The following SORBS2 variants were observed in gnomAD, a reference collection of about 807,000 sequenced individuals.
SORBS2 encodes the protein sorbin and SH3 domain-containing protein 2.
Under a neutral mutation model 97.7 loss-of-function variants are expected in SORBS2, and 46 were observed. The ratio of observed to expected loss-of-function variants is 0.47; its 90% CI spans 0.37 to 0.60. The LOEUF (loss-of-function observed/expected upper bound fraction) is 0.60. SORBS2 is among the 20% of genes least tolerant of loss of function. SORBS2 has a pLI of 0.00. For synonymous variants in SORBS2, 476 were observed against 473.4 expected (o/e 1.01, Z -0.07); for missense variants, 1,316 against 1,282.3 (o/e 1.03, Z -0.40).
chr4:185,834,900 C>G (rs2099207175), intron 1 of SORBS2, among the ~76,000 whole-genome samples: 1 of 152,160 alleles, frequency 6.6e-6, no homozygotes, highest in Non-Finnish European at 1.5e-5. Context: ...TGGCTTGGAT[C>G]TGTGTGTTGC....
chr4:185,607,300 C>G lies in SORBS2; in HGVS notation c.2796+4480G>C, dbSNP rs1482553764. 6 of 1,284,904 alleles carry G rather than the reference C, an allele frequency of 4.7e-6. No individual in the cohort carries two copies. Among genetic ancestry groups the G allele is most frequent in the Non-Finnish European group, 6.1e-6 (6 of 986,674 alleles). 79.6% of individuals were successfully genotyped at this position (1,284,904 alleles called of 1,614,324 possible). A position where few individuals can be genotyped will look rare whatever the true frequency, so the allele number is the denominator to read the frequency against. ...TCCCTGGAGAGCTCCTTTATCTGAG[C>G]CAGGTGAGACTTTGTGGGTGGGAGG... is the stretch of plus-strand genomic sequence containing the variant. On this transcript the variant is annotated intron_variant, in intron 12 of 14. Transcript: ENST00000418609. The surrounding 1 kb of genome is among the most constrained non-coding windows in gnomAD (Gnocchi z 5.2).
At chr4:185,722,220 G>A (rs1252371212) in intron 2 of SORBS2, among the ~76,000 whole-genome samples, 2 of 152,210 alleles carry the variant, frequency 1.3e-5, no homozygotes, top group Non-Finnish European at 2.9e-5. Context: ...CCAGAGAACA[G>A]TGTCAGGGAC....
chr4:185,622,983 C>A (rs2096742225), exon 7 of SORBS2: 1 of 1,613,916 alleles, frequency 6.2e-7, no homozygotes, highest in African/African-American at 1.3e-5. Context: ...TGGAAAGAGG[C>A]ACTGCGGGGC....
At chr4:185,902,263 A>T (rs1484582643) in intron 1 of SORBS2, among the ~76,000 whole-genome samples, 1 of 152,126 alleles carries the variant, frequency 6.6e-6, no homozygotes, top group African/African-American at 2.4e-5. Flanking sequence ...TAATACTTGA[A>T]GACACAATGA....
At chr4:185,818,999 CTA>C (rs1192847036) in intron 1 of SORBS2, among the ~76,000 whole-genome samples, 1 of 152,124 alleles carries the variant, frequency 6.6e-6, no homozygotes, top group Non-Finnish European at 1.5e-5. Context: ...GGACTCTTTC[CTA>C]TATCTTTCCT....
intron 2 of SORBS2, chr4:185,756,920 G>A (rs1054674291): frequency 3.0e-6 from 4 of 1,342,682 alleles, no homozygotes; most frequent in South Asian, 2.3e-5. Flanking sequence ...TCCATATTGA[G>A]TATTTTCATT....
intron 11 of SORBS2, among the ~76,000 whole-genome samples, chr4:185,614,136 G>C (rs1029874969): frequency 2.0e-5 from 3 of 148,216 alleles, no homozygotes; most frequent in Non-Finnish European, 4.5e-5. Flanking sequence ...CAGGTTAAAA[G>C]AGGTTTTTGA....
At chr4:185,600,051 T>A (rs1238125329) in intron 12 of SORBS2, among the ~76,000 whole-genome samples, 1 of 152,264 alleles carries the variant, frequency 6.6e-6, no homozygotes, top group South Asian at 2.1e-4. Context: ...GCTTTTTACG[T>A]CAGCCTGGAA....
intron 12 of SORBS2, among the ~76,000 whole-genome samples, 169 bp downstream of exon 24, chr4:185,611,611 A>G (rs2153403136): frequency 6.6e-6 from 1 of 152,336 alleles, no homozygotes; most frequent in African/African-American, 2.4e-5. Flanking sequence ...TATTTGAGAA[A>G]CACTGACTTA....
intron 4 of SORBS2, among the ~76,000 whole-genome samples, 197 bp from the exon 8 acceptor site, chr4:185,662,439 C>T (rs2097535832): frequency 6.6e-6 from 1 of 152,210 alleles, no homozygotes; most frequent in African/African-American, 2.4e-5. Context: ...GAAAATCACT[C>T]TCTTGTGTAT....
intron 1 of SORBS2, among the ~76,000 whole-genome samples, chr4:185,833,037 G>T (rs982780945): frequency 1.3e-5 from 2 of 152,130 alleles, no homozygotes; most frequent in African/African-American, 4.8e-5. Context: ...CTGTTACAGA[G>T]TATTAAAAGC....
chr4:185,728,155 T>C (rs1425091425), intron 2 of SORBS2, among the ~76,000 whole-genome samples: 1 of 152,166 alleles, frequency 6.6e-6, no homozygotes, highest in Non-Finnish European at 1.5e-5. Flanking sequence ...CAGCTAAGGT[T>C]CTCCCTTCCA....
chr4:185,894,615 C>A lies in SORBS2; in HGVS notation c.-338+61581G>T, dbSNP rs536964558. Among the ~76,000 whole-genome samples the A allele has an allele frequency of 3.1e-4, 47 of 152,290 alleles. 1 individual carries two copies. The highest frequency in any genetic ancestry group is 1.1e-3 in the African/African-American group (47 of 41,554). ...CCAGATGTCTTACCTCGCAAGGCAC[C>A]AGTGCCTCCCTGTAATTGCTGCACT... On this transcript the variant is annotated intron_variant, in intron 1 of 20. Coordinates refer to the SORBS2 transcript ENST00000284776.
intron 1 of SORBS2, among the ~76,000 whole-genome samples, chr4:185,824,082 G>A (rs925301402): frequency 3.3e-5 from 5 of 152,098 alleles, no homozygotes; most frequent in African/African-American, 7.2e-5. Flanking sequence ...TGGAGGTGTC[G>A]TAGCAAAGTA....
At chr4:185,687,499 C>T (rs1488119468) in intron 2 of SORBS2, among the ~76,000 whole-genome samples, 2 of 152,138 alleles carry the variant, frequency 1.3e-5, no homozygotes, top group Non-Finnish European at 2.9e-5. Context: ...ACTGTTCTGT[C>T]AAATGGCTTC....
intron 1 of SORBS2, among the ~76,000 whole-genome samples, chr4:185,784,075 T>C (rs973731654): frequency 1.3e-5 from 2 of 152,174 alleles, no homozygotes; most frequent in Admixed American, 1.3e-4. Context: ...AGGCATCCTG[T>C]TGAAAATTTC....
intron 4 of SORBS2, among the ~76,000 whole-genome samples, chr4:185,643,333 G>C (rs1348692796): frequency 6.6e-6 from 1 of 152,168 alleles, no homozygotes; most frequent in Non-Finnish European, 1.5e-5. Context: ...AAAGTTCTCT[G>C]TGCAGCTGGA....
chr4:185,642,814 G>A (rs959144727), intron 4 of SORBS2, among the ~76,000 whole-genome samples: 16 of 152,152 alleles, frequency 1.1e-4, no homozygotes, highest in African/African-American at 2.7e-4. Context: ...CCAGGGAATC[G>A]TGGAATTATG....
intron 1 of SORBS2, among the ~76,000 whole-genome samples, chr4:185,940,000 C>A (rs1457576950): frequency 6.6e-6 from 1 of 152,164 alleles, no homozygotes; most frequent in Non-Finnish European, 1.5e-5. Context: ...TGAGCCGCAC[C>A]CTCTTGAAGC....
Sources: gnomAD v4.1 joint callset for allele counts (sites outside exome capture counted in the v4.1 genomes callset) on GRCh38, gnomAD v4.1.1 for gene constraint, Gnocchi (gnomAD v3.1) non-coding constraint, MANE v1.5 for transcripts, NCBI Gene and HGNC (gene_info 2026-07-23, HGNC 2026-07-21) for gene names.